IGFN1: variants seen among roughly 807,000 people sequenced by gnomAD.
IGFN1 encodes the protein immunoglobulin like and fibronectin type III domain containing 1.
IGFN1 carries 253 observed loss-of-function variants against 289.5 expected under a neutral mutation model. The ratio of observed to expected loss-of-function variants is 0.87; its 90% CI spans 0.79 to 0.97. IGFN1 has a LOEUF of 0.97. Ranked by LOEUF, IGFN1 falls within the 50% of genes least tolerant of loss-of-function variation. The pLI is 0.00. For missense variants in IGFN1, 4,470 were observed against 4,686.1 expected, an observed-to-expected ratio of 0.95 and a Z score of 1.35; for synonymous variants, 1,706 against 1,788.5, an observed-to-expected ratio of 0.95 and a Z score of 1.16.
intron 3 of IGFN1, 128 bp from the exon 4 acceptor site, chr1:201,195,711 G>C: frequency 9.9e-7 from 1 of 1,013,976 alleles, no homozygotes; most frequent in Non-Finnish European, 1.4e-6. Flanking sequence ...CCAAGGCCTG[G>C]CATCCTTTTT....
In IGFN1 at chr1:201,211,746, G is replaced by C. The variant is rs1334355262; in HGVS notation, c.6853G>C (p.Gly2285Arg). ...AAAAATCAGTTCAGGGGATGAGGCA[G>C]GTTATAAGAATGTTTTAGGGGGTTC... is the stretch of plus-strand genomic sequence containing the variant. ...SGKISSGDEA[G>R]YKNVLGGSGR... The change falls in exon 12 of 24, where the codon GGT (glycine) becomes CGT (arginine). Residue 2285 changes from glycine (G) to arginine (R), a missense_variant. Transcript: ENST00000335211. The C allele has an allele frequency of 6.5e-7, 1 of 1,536,972 alleles. No homozygotes were observed. Among genetic ancestry groups the C allele is most frequent in the African/African-American group, 1.4e-5 (1 of 73,104 alleles).
chr1:201,209,331 G>A lies in IGFN1; in HGVS notation c.4438G>A (p.Gly1480Ser). Residue 1480 changes from glycine (G) to serine (S), a missense_variant, in exon 12 of 24, where the codon GGT becomes AGT. Transcript: ENST00000335211. Reference sequence around the variant, plus strand: ...TTCAGGGAGCAAGGCAGGTTACAGGGGTGGTTTAAGGGGTTCTGGGGAAAT... The same window carrying A: ...TTCAGGGAGCAAGGCAGGTTACAGGAGTGGTTTAAGGGGTTCTGGGGAAAT... Reference protein sequence around the residue: ...MDSGSKAGYRGGLRGSGEMGL... With the variant: ...MDSGSKAGYRSGLRGSGEMGL... The A allele has an allele frequency of 2.0e-6, 3 of 1,484,246 alleles. No individual in the cohort carries two copies. The highest frequency in any genetic ancestry group is 1.4e-5 in the African/African-American group (1 of 70,954). The allele number at this position is 1,484,246 out of a possible 1,614,324, so 91.9% of individuals were successfully genotyped here.
In IGFN1 at chr1:201,201,702, G is replaced by A. The variant is rs888641335; in HGVS notation, c.634-17G>A. 26 of 1,371,972 alleles carry A rather than the reference G, an allele frequency of 1.9e-5. No homozygotes were observed. Among genetic ancestry groups the A allele is most frequent in the Non-Finnish European group, 2.4e-5 (24 of 982,892 alleles). 85.0% of individuals were successfully genotyped at this position (1,371,972 alleles called of 1,614,324 possible). ...AGCTTCATGAGCTCTCCTGCTGGGT[G>A]TTTGTCTGCTTTGTAGTACATCAAC... On this transcript the variant is annotated splice_polypyrimidine_tract_variant and intron_variant, in intron 8 of 23. Coordinates refer to ENST00000335211, the MANE Select transcript of IGFN1 (RefSeq NM_001164586.2).
At chr1:201,213,780 A>G (rs774645690) in intron 12 of IGFN1, among the ~76,000 whole-genome samples, 159 bp downstream of exon 12, 2 of 152,110 alleles carry the variant, frequency 1.3e-5, no homozygotes, top group Non-Finnish European at 2.9e-5. Flanking sequence ...AAATTTAGGA[A>G]GCAACCTCTT....
At chr1:201,204,672 C>T (rs832157) in intron 10 of IGFN1, among the ~76,000 whole-genome samples, 13,035 of 152,210 alleles carry the variant, frequency 0.086, 738 homozygotes, top group Middle Eastern at 0.14. Flanking sequence ...CTCTTAACTG[C>T]GTAAGACTGG....
chr1:201,226,788 A>G, intron 22 of IGFN1, 94 bp from the exon 23 acceptor site: 1 of 974,818 alleles, frequency 1.0e-6, no homozygotes, highest in Non-Finnish European at 1.6e-6. Context: ...TAAGGCCTAC[A>G]TGGTAGCTTC....
Position 201,204,982 on chromosome 1 carries a change from G to A in IGFN1, c.917-100G>A, listed in dbSNP as rs185501571. The A allele has an allele frequency of 4.8e-5, 59 of 1,232,162 alleles. No individual in the cohort carries two copies. The East Asian group carries it at 1.5e-3, about 31-fold the overall frequency. The allele number at this position is 1,232,162 out of a possible 1,614,324, so 76.3% of individuals were successfully genotyped here. A position where few individuals can be genotyped will look rare whatever the true frequency, so the allele number is the denominator to read the frequency against. On this transcript the variant is annotated intron_variant, in intron 10 of 23. Transcript: ENST00000335211. ...GGTAACATGGGGAGTTTGTGGCTGA[G>A]CTGGTCTAAGCCAGGATTTCTGAAT...
In IGFN1 at chr1:201,209,374, G is replaced by C; in HGVS notation, c.4481G>C (p.Gly1494Ala). ...GGGGAAATGGGGTTAATTGAGGCAGGCTATAGGAAAGATTTGGGGGTTTCT... is the reference window on the plus strand; with the variant it reads ...GGGGAAATGGGGTTAATTGAGGCAGCCTATAGGAAAGATTTGGGGGTTTCT... ...GSGEMGLIEAGYRKDLGVSEG... is the reference protein window; with the variant it reads ...GSGEMGLIEAAYRKDLGVSEG... The change falls in exon 12 of 24, where the codon GGC (glycine) becomes GCC (alanine). Residue 1494 changes from glycine (G) to alanine (A), a missense_variant. Gly to Ala is a moderately conservative substitution (Grantham distance 60). Coordinates refer to ENST00000335211, the MANE Select transcript of IGFN1 (RefSeq NM_001164586.2). The C allele has an allele frequency of 6.6e-7, 1 of 1,508,466 alleles. No homozygotes were observed. The highest frequency in any genetic ancestry group is 8.8e-7 in the Non-Finnish European group (1 of 1,134,824). 93.4% of individuals were successfully genotyped at this position (1,508,466 alleles called of 1,614,324 possible). A position where few individuals can be genotyped will look rare whatever the true frequency, so the allele number is the denominator to read the frequency against.
rs1191171946 is a variant in IGFN1, at chr1:201,208,614, C to T, written c.3721C>T (p.Pro1241Ser). ...TGGAGAAAGGTCAAGGGGCCTTGGG[C>T]CTAGGAGTACAGGGCCAGGGGGTGA... The part of the protein sequence containing the change: ...AYGERSRGLG[P>S]RSTGPGGEAG... Residue 1241 changes from proline to serine, a missense_variant, in exon 12 of 24, where the codon CCT (proline) becomes TCT (serine). Around this residue, in one of 8 missense-constraint regions of IGFN1, gnomAD observed 2,011 missense variants for 1,953.4 expected, o/e 1.03. Coordinates refer to ENST00000335211, the MANE Select transcript of IGFN1 (RefSeq NM_001164586.2). The T allele has an allele frequency of 6.6e-7, 1 of 1,516,342 alleles. No individual in the cohort carries two copies. The highest frequency in any genetic ancestry group is 1.2e-5 in the South Asian group (1 of 80,022). The allele number at this position is 1,516,342 out of a possible 1,614,324, so 93.9% of individuals were successfully genotyped here.
At position 201,224,837 on chromosome 1, in the gene IGFN1, G is replaced by T; in HGVS notation, c.10449G>T (p.Gly3483=). ...LYTVVLRTLQ[G]KEVAHSFRIR... ...CTGTGGTGCTGAGGACCCTGCAGGG[G>T]AAGGAGGTTGCCCACAGCTTCCGTA... Residue 3483 remains glycine, a synonymous_variant, in exon 21 of 24, where the codon GGG becomes GGT. Coordinates refer to ENST00000335211, the MANE Select transcript of IGFN1 (RefSeq NM_001164586.2). 2 of 1,613,992 alleles carry T rather than the reference G, an allele frequency of 1.2e-6. No homozygotes were observed. The highest frequency in any genetic ancestry group is 1.7e-6 in the Non-Finnish European group (2 of 1,179,946).
At position 201,217,285 on chromosome 1, in the gene IGFN1, A is replaced by G. The variant is rs749743537; in HGVS notation, c.9596-2A>G. 2.2e-5 allele frequency: 35 copies of G among 1,612,606 alleles called. No homozygotes were observed. Among genetic ancestry groups the G allele is most frequent in the Non-Finnish European group, 2.9e-5 (34 of 1,179,398 alleles). ...GCTGACTGGAATCTTTCTTACCCCC[A>G]GCTCTCCCCAAGGCCCCTTCCGCGC... is the stretch of plus-strand genomic sequence containing the variant. On this transcript the variant is annotated splice_acceptor_variant, in intron 16 of 23. Transcript: ENST00000335211. LOFTEE classifies it high-confidence loss of function.
At chr1:201,213,719 GC>G in intron 12 of IGFN1, 98 bp downstream of exon 12, 1 of 1,027,708 alleles carries the variant, frequency 9.7e-7, no homozygotes, top group Non-Finnish European at 1.4e-6. Flanking sequence ...TCTGCCTCCA[GC>G]CCCAGGAGTT....
Position 201,213,562 on chromosome 1 carries a change from C to T in IGFN1, c.8669C>T (p.Thr2890Ile), listed in dbSNP as rs1558152037. The T allele has an allele frequency of 2.5e-6, 4 of 1,613,944 alleles. No individual in the cohort carries two copies. Among genetic ancestry groups the T allele is most frequent in the Non-Finnish European group, 3.4e-6 (4 of 1,179,926 alleles). The change falls in exon 12 of 24, where the codon ACC becomes ATC. Residue 2890 changes from threonine (T) to isoleucine (I), a missense_variant. Coordinates refer to ENST00000335211, the MANE Select transcript of IGFN1 (RefSeq NM_001164586.2). ...LDIYGERRDA[T>I]RSSTSRYKPG... Reference sequence around the variant, plus strand: ...ATCTATGGAGAGAGGAGAGATGCTACCCGGAGTTCCACATCCAGATACAAG... The same window carrying T: ...ATCTATGGAGAGAGGAGAGATGCTATCCGGAGTTCCACATCCAGATACAAG...
rs1431038645 is a variant in IGFN1 at position 201,209,549 on chromosome 1, A to C, written c.4656A>C (p.Leu1552Phe). ...GTAAGGCAGGTTTTACGGATGGTTT[A>C]GGAGGTTCTGAAGAAATGGGGTCAG... The part of the protein sequence containing the change: ...SGSKAGFTDG[L>F]GGSEEMGSVN... The change falls in exon 12 of 24, where the codon TTA becomes TTC. Residue 1552 changes from leucine to phenylalanine, a missense_variant. Physicochemically the swap from Leu to Phe is conservative, Grantham distance 22. Around this residue, in one of 8 missense-constraint regions of IGFN1, gnomAD observed 2,011 missense variants for 1,953.4 expected, o/e 1.03. Transcript: ENST00000335211. 2.0e-6 allele frequency: 3 copies of C among 1,525,588 alleles called. No homozygotes were observed. Among genetic ancestry groups the C allele is most frequent in the African/African-American group, 2.8e-5 (2 of 72,526 alleles). 94.5% of individuals were successfully genotyped at this position (1,525,588 alleles called of 1,614,324 possible).
chr1:201,198,136 T>C (rs1666993543), intron 5 of IGFN1, among the ~76,000 whole-genome samples: 2 of 152,178 alleles, frequency 1.3e-5, no homozygotes, highest in Non-Finnish European at 2.9e-5. Context: ...CTTATTTTTA[T>C]TTTTATATTT....
chr1:201,204,955 A>C lies in IGFN1; in HGVS notation c.917-127A>C. 5.4e-6 allele frequency: 5 copies of C among 921,620 alleles called. No homozygotes were observed. In the South Asian group the frequency reaches 7.3e-5, roughly 14 times the overall value. The allele number at this position is 921,620 out of a possible 1,614,324, so 57.1% of individuals were successfully genotyped here. ...CCTGAGGTCCAGAGGTGACCTGTCC[A>C]AGGTAACATGGGGAGTTTGTGGCTG... On this transcript the variant is annotated intron_variant, in intron 10 of 23. Transcript: ENST00000335211.
intron 8 of IGFN1, 21 bp from the exon 9 acceptor site, chr1:201,201,698 G>A (rs773990165): frequency 7.8e-7 from 1 of 1,289,456 alleles, no homozygotes; most frequent in South Asian, 1.3e-5. Context: ...CTCTCCTGCT[G>A]GGTGTTTGTC....
At chr1:201,222,545 T>C (rs2102368518) in intron 19 of IGFN1, 194 bp from the exon 20 acceptor site, 1 of 473,878 alleles carries the variant, frequency 2.1e-6, no homozygotes. Flanking sequence ...CATCTCCCCA[T>C]CAGCCCCTGG....
intron 1 of IGFN1, among the ~76,000 whole-genome samples, chr1:201,191,591 A>C (rs1045195644): frequency 6.6e-6 from 1 of 152,152 alleles, no homozygotes; most frequent in Non-Finnish European, 1.5e-5. Flanking sequence ...ATCCCTTCCA[A>C]CTGAGACTAC....
Sources: allele counts gnomAD v4.1 joint callset (sites outside exome capture counted in the v4.1 genomes callset), GRCh38; gene constraint gnomAD v4.1.1; regional missense constraint gnomAD v4.1.1; transcripts MANE v1.5; gene names NCBI Gene and HGNC (gene_info 2026-07-23, HGNC 2026-07-21).